The following PFKL variants were observed in gnomAD, a reference collection of about 807,000 sequenced individuals.
PFKL encodes ATP-dependent 6-phosphofructokinase, liver type.
A neutral mutation model predicts 92.1 loss-of-function variants in PFKL; 74 were observed. The ratio of observed to expected loss-of-function variants is 0.80; its 90% CI spans 0.67 to 0.97. PFKL has a LOEUF of 0.97. Among genes scored for constraint, PFKL ranks in the 50% least tolerant of loss-of-function variants. The pLI is 0.00. For synonymous variants in PFKL, 494 were observed against 456.4 expected, an observed-to-expected ratio of 1.08 and a Z score of -1.05; for missense variants, 1,028 against 1,116.6, an observed-to-expected ratio of 0.92 and a Z score of 1.13.
chr21:44,325,758 G>A lies in PFKL; in HGVS notation c.1990-203G>A, dbSNP rs1473695738. Reference sequence around the variant, plus strand: ...GGCAGCCGACTGCCGGCCTCGGGAGGCAGCTTCTGGCCTGGACTTGGAGCT... The same window carrying A: ...GGCAGCCGACTGCCGGCCTCGGGAGACAGCTTCTGGCCTGGACTTGGAGCT... On this transcript the variant is annotated intron_variant, in intron 19 of 21. Coordinates refer to ENST00000349048, the MANE Select transcript of PFKL (RefSeq NM_002626.6). The A allele has an allele frequency of 5.2e-6, 3 of 576,112 alleles. No homozygotes were observed. The African/African-American group carries it at 5.6e-5, about 11-fold the overall frequency. 35.7% of individuals were successfully genotyped at this position (576,112 alleles called of 1,614,324 possible). A position where few individuals can be genotyped will look rare whatever the true frequency, so the allele number is the denominator to read the frequency against.
At chr21:44,301,782 G>T (rs1042703440) in intron 1 of PFKL, among the ~76,000 whole-genome samples, 1 of 152,208 alleles carries the variant, frequency 6.6e-6, no homozygotes, top group Non-Finnish European at 1.5e-5. Flanking sequence ...AAACACAGAG[G>T]GTCCCCAACC....
rs2146008260 is a variant in PFKL at position 44,321,773 on chromosome 21, T to C, written c.1236T>C (p.Ala412=). 6.3e-7 allele frequency: 1 copy of C among 1,598,036 alleles called. No homozygotes were observed. The highest frequency in any genetic ancestry group is 8.5e-7 in the Non-Finnish European group (1 of 1,172,442). Residue 412 remains alanine (A), a synonymous_variant, in exon 13 of 22, where the codon GCT becomes GCC. Coordinates refer to ENST00000349048, the MANE Select transcript of PFKL (RefSeq NM_002626.6). ...TCCTGAATGTGGGGGCCCCGGCGGC[T>C]GGCATGAATGCGGCCGTGCGCTCGG... ...LAILNVGAPA[A]GMNAAVRSAV...
At chr21:44,305,291 C>T (rs373221524) in intron 1 of PFKL, 10 of 1,359,854 alleles carry the variant, frequency 7.4e-6, no homozygotes, top group Non-Finnish European at 9.8e-6. Flanking sequence ...CTCCCTGCTG[C>T]TGAGCCCCAC....
intron 19 of PFKL, 155 bp from the exon 20 acceptor site, chr21:44,325,806 G>A (rs773832881): frequency 2.3e-5 from 14 of 611,748 alleles, no homozygotes; most frequent in Admixed American, 2.9e-5. Context: ...CAGGGTCCTC[G>A]ATCGGGAACA....
In PFKL at chr21:44,325,590, C is replaced by T. The variant is rs948854007; in HGVS notation, c.1989+326C>T. 12 of 499,924 alleles carry T rather than the reference C, an allele frequency of 2.4e-5. No individual in the cohort carries two copies. In the Admixed American group the frequency reaches 3.9e-4, roughly 16 times the overall value. 31.0% of individuals were successfully genotyped at this position (499,924 alleles called of 1,614,324 possible). ...CCGCATGCTCCCTGCCTTATGGTGG[C>T]CCTGCAGGAAGCCCGCGTCCTGGGG... On this transcript the variant is annotated intron_variant, in intron 19 of 21. Transcript: ENST00000349048.
intron 7 of PFKL, chr21:44,314,364 G>T (rs542253567): frequency 1.9e-4 from 56 of 293,116 alleles, no homozygotes; most frequent in African/African-American, 1.1e-3. Flanking sequence ...GGTTGTGAGG[G>T]AGTGGCCCCA....
intron 1 of PFKL, among the ~76,000 whole-genome samples, chr21:44,303,414 A>AC (rs1429706478): frequency 7.0e-6 from 1 of 143,484 alleles, no homozygotes; most frequent in Non-Finnish European, 1.5e-5. Context: ...CTGTCTCAAA[A>AC]AAAAAAAACA....
In PFKL at chr21:44,312,187, A is replaced by C. The variant is rs763145940; in HGVS notation, c.320A>C (p.Gln107Pro). The change falls in exon 4 of 22, where the codon CAG becomes CCG. Residue 107 changes from glutamine (Q) to proline (P), a missense_variant. Coordinates refer to ENST00000349048, the MANE Select transcript of PFKL (RefSeq NM_002626.6). ...GRRAAAYNLV[Q>P]HGITNLCVIG... Reference sequence around the variant, plus strand: ...CGGGCAGCGGCCTACAACCTGGTCCAGCACGGCATCACCAACCTGTGCGTC... The same window carrying C: ...CGGGCAGCGGCCTACAACCTGGTCCCGCACGGCATCACCAACCTGTGCGTC... 5.6e-6 allele frequency: 9 copies of C among 1,605,652 alleles called. No individual in the cohort carries two copies. In the South Asian group the frequency reaches 1.0e-4, roughly 18 times the overall value.
chr21:44,322,133 G>A lies in PFKL; in HGVS notation c.1339G>A (p.Val447Met). The A allele has an allele frequency of 1.9e-6, 3 of 1,605,436 alleles. No homozygotes were observed. Among genetic ancestry groups the A allele is most frequent in the South Asian group, 1.1e-5 (1 of 90,708 alleles). Residue 447 changes from valine to methionine, a missense_variant and splice_region_variant, in exon 14 of 22, where the codon GTG becomes ATG. By Grantham distance (21) the Val-to-Met change is conservative. Transcript: ENST00000349048. ...DGFEGLAKGQ[V>M]QEVGWHDVAG... ...CTGAAGCTGCATCTCCTCCTGGCAG[G>A]TGCAAGAAGTAGGCTGGCACGACGT...
At chr21:44,323,674 G>A (rs2047417941) in intron 15 of PFKL, 92 bp from the exon 16 acceptor site, 3 of 1,364,566 alleles carry the variant, frequency 2.2e-6, no homozygotes, top group Non-Finnish European at 3.0e-6. Context: ...AGGTCAGCAG[G>A]GAGCAGGGCT....
chr21:44,303,563 C>G (rs1295556041), intron 1 of PFKL, among the ~76,000 whole-genome samples: 1 of 152,062 alleles, frequency 6.6e-6, no homozygotes, highest in African/African-American at 2.4e-5. Context: ...GACACCGTGC[C>G]CTGCCTTTCC....
rs765503262 is a variant in PFKL, at chr21:44,319,361, T to A, written c.1073T>A (p.Val358Glu). 1.2e-6 allele frequency: 2 copies of A among 1,613,658 alleles called. No homozygotes were observed. Among genetic ancestry groups the A allele is most frequent in the East Asian group, 4.5e-5 (2 of 44,872 alleles). The change falls in exon 11 of 22, where the codon GTG (valine) becomes GAG (glutamate). Residue 358 changes from valine (V) to glutamate (E), a missense_variant. Val to Glu is a moderately radical substitution (Grantham distance 121, BLOSUM62 -2). Coordinates refer to ENST00000349048, the MANE Select transcript of PFKL (RefSeq NM_002626.6). ...TTTCTCTTCCTTAAGACCAAGGAAG[T>A]GCAGAAAGCCATGGATGACAAGAGG... ...LMECVQMTKE[V>E]QKAMDDKRFD...
At chr21:44,312,434 G>A (rs926965969) in intron 4 of PFKL, 140 bp downstream of exon 4, 19 of 759,386 alleles carry the variant, frequency 2.5e-5, no homozygotes, top group Middle Eastern at 7.6e-4. Context: ...CGTTGGCCGG[G>A]GAGGAGTAGT....
At chr21:44,312,857 CG>C in intron 4 of PFKL, 120 bp from the exon 5 acceptor site, 2 of 1,053,156 alleles carry the variant, frequency 1.9e-6, no homozygotes, top group Non-Finnish European at 1.4e-6. Flanking sequence ...CCTGGAACTC[CG>C]GGGCCCCTGC....
intron 15 of PFKL, 37 bp downstream of exon 15, chr21:44,323,086 C>G: frequency 6.5e-7 from 1 of 1,534,838 alleles, no homozygotes; most frequent in South Asian, 1.1e-5. Flanking sequence ...CCCCAGGGCA[C>G]AGGAGACCCA....
chr21:44,313,687 G>C lies in PFKL; in HGVS notation c.638+5G>C. 6.2e-7 allele frequency: 1 copy of C among 1,611,126 alleles called. No individual in the cohort carries two copies. Among genetic ancestry groups the C allele is most frequent in the Non-Finnish European group, 8.5e-7 (1 of 1,179,136 alleles). ...AGTGATGGGCCGGCACTGCGGGTGA[G>C]GAGGGGCTTCCTGGCCCGCTGGGTG... On this transcript the variant is annotated splice_donor_5th_base_variant and intron_variant, in intron 6 of 21. Transcript: ENST00000349048.
At position 44,325,669 on chromosome 21, in the gene PFKL, T is replaced by C. The variant is rs1279023810; in HGVS notation, c.1990-292T>C. 2.4e-5 allele frequency: 12 copies of C among 498,806 alleles called. 1 individual carries two copies. The East Asian group carries it at 4.0e-4, about 17-fold the overall frequency. The allele number at this position is 498,806 out of a possible 1,614,324, so 30.9% of individuals were successfully genotyped here. A position where few individuals can be genotyped will look rare whatever the true frequency, so the allele number is the denominator to read the frequency against. On this transcript the variant is annotated intron_variant, in intron 19 of 21. Coordinates refer to ENST00000349048, the MANE Select transcript of PFKL (RefSeq NM_002626.6). ...TGGCTGGGCATGGGGCCCGAGGTGA[T>C]GGGGCCCGAGGTGGGGCCGCTGGCT...
intron 1 of PFKL, among the ~76,000 whole-genome samples, chr21:44,301,414 C>T (rs979574793): frequency 3.9e-5 from 6 of 151,952 alleles, no homozygotes; most frequent in African/African-American, 1.5e-4. Context: ...CTCTGGGTCA[C>T]GCCTTTCCTG....
chr21:44,316,833 C>T (rs1316815968), intron 9 of PFKL, among the ~76,000 whole-genome samples: 1 of 152,154 alleles, frequency 6.6e-6, no homozygotes, highest in Non-Finnish European at 1.5e-5. Context: ...TCTCCGTTCC[C>T]CTGCAGGTAT....
Sources: allele counts gnomAD v4.1 joint callset (sites outside exome capture counted in the v4.1 genomes callset), GRCh38; gene constraint gnomAD v4.1.1; transcripts MANE v1.5; gene names NCBI Gene and HGNC (gene_info 2026-07-23, HGNC 2026-07-21).